Variants in C15orf61 observed in about 807,000 individuals in gnomAD.
The protein encoded by C15orf61 is chromosome 15 open reading frame 61, also known as uncharacterized protein C15orf61.
C15orf61 carries 12 observed loss-of-function variants against 13.7 expected under a neutral mutation model. The ratio of observed to expected loss-of-function variants is 0.88; its 90% CI spans 0.56 to 1.42. The LOEUF (loss-of-function observed/expected upper bound fraction) is 1.42, where lower values mean the gene tolerates loss of function less well. C15orf61 is among the 40% of genes most tolerant of loss of function. The pLI is 0.00. For synonymous variants in C15orf61, 92 were observed against 94.1 expected (o/e 0.98, Z 0.13); for missense variants, 248 against 213.2 (o/e 1.16, Z -1.02).
At chr15:67,526,062 G>A (rs1020406051) in intron 1 of C15orf61, among the ~76,000 whole-genome samples, 4 of 152,082 alleles carry the variant, frequency 2.6e-5, no homozygotes, top group Non-Finnish European at 4.4e-5. Context: ...TTAGCTCAAG[G>A]CTAATAATCA....
In C15orf61 at chr15:67,521,329, C is replaced by G. The variant is rs2084158699; in HGVS notation, c.81C>G (p.Arg27=). ...CGTGGGCCTCGCGCGCCGCCGCCCG[C>G]CCCAAGCCCAGCGCCTCGGAGGTGC... ...CRPWASRAAA[R]PKPSASEVLT... Residue 27 remains arginine, a synonymous_variant, in exon 1 of 2, where the codon CGC becomes CGG. Transcript: ENST00000342683. The G allele has an allele frequency of 1.3e-6, 2 of 1,533,028 alleles. No individual in the cohort carries two copies. Among genetic ancestry groups the G allele is most frequent in the African/African-American group, 2.8e-5 (2 of 72,710 alleles). 95.0% of individuals were successfully genotyped at this position (1,533,028 alleles called of 1,614,324 possible).
Position 67,528,817 on chromosome 15 carries a change from C to T in C15orf61, c.*2272C>T, listed in dbSNP as rs887730228. ...GAACGAAACAAGAGACATTTCTACC[C>T]GAAAATGTACATCAATTTTACTTTT... On this transcript the variant is annotated 3_prime_UTR_variant, in exon 2 of 2. Coordinates refer to ENST00000342683, the MANE Select transcript of C15orf61 (RefSeq NM_001143936.2). The T allele has an allele frequency of 1.3e-5, 2 of 152,132 alleles. No homozygotes were observed. Among genetic ancestry groups the T allele is most frequent in the African/African-American group, 2.4e-5 (1 of 41,420 alleles). The allele number at this position is 152,132 out of a possible 1,614,324, so 9.4% of individuals were successfully genotyped here.
intron 1 of C15orf61, among the ~76,000 whole-genome samples, chr15:67,523,153 A>G (rs2084178223): frequency 6.6e-6 from 1 of 152,214 alleles, no homozygotes; most frequent in Non-Finnish European, 1.5e-5. Context: ...AGCAAAAAGG[A>G]CAACTTTTTG....
chr15:67,526,273 TTAGA>T, intron 1 of C15orf61, 141 bp from the exon 2 acceptor site: 1 of 558,356 alleles, frequency 1.8e-6, no homozygotes, highest in Non-Finnish European at 3.0e-6. Context: ...AATTGAGCTC[TTAGA>T]TAATCAGAGT....
At chr15:67,523,114 G>A (rs990564204) in intron 1 of C15orf61, among the ~76,000 whole-genome samples, 11 of 152,262 alleles carry the variant, frequency 7.2e-5, no homozygotes, top group African/African-American at 1.7e-4. Context: ...TAAAAATCCT[G>A]CTAAAATGGG....
chr15:67,524,545 C>G (rs1211467951), intron 1 of C15orf61, among the ~76,000 whole-genome samples: 1 of 152,072 alleles, frequency 6.6e-6, no homozygotes, highest in Non-Finnish European at 1.5e-5. Flanking sequence ...ATGGGAGTTC[C>G]AGGGAACCCT....
At position 67,526,484 on chromosome 15, in the gene C15orf61, C is replaced by T. The variant is rs773182260; in HGVS notation, c.413C>T (p.Thr138Ile). The T allele has an allele frequency of 1.3e-5, 20 of 1,538,684 alleles. No individual in the cohort carries two copies. Among genetic ancestry groups the T allele is most frequent in the Admixed American group, 2.0e-5 (1 of 50,772 alleles). The change falls in exon 2 of 2, where the codon ACC becomes ATC. Residue 138 changes from threonine (T) to isoleucine (I), a missense_variant. Physicochemically the swap from Thr to Ile is moderately conservative, Grantham distance 89. Transcript: ENST00000342683. The stretch of plus-strand genomic sequence containing the variant: ...GCCAGAGTCACAGAGACTGTGCATA[C>T]CAGTTATGGACCCATAACAGTTTAT... ...LFARVTETVH[T>I]SYGPITVYFL... is the part of the protein sequence containing the mutation.
At chr15:67,524,765 A>G (rs1231531671) in intron 1 of C15orf61, among the ~76,000 whole-genome samples, 1 of 152,030 alleles carries the variant, frequency 6.6e-6, no homozygotes, top group Non-Finnish European at 1.5e-5. Context: ...CACAGCAAAT[A>G]TATTCTTGCA....
chr15:67,528,540 C>T lies in C15orf61; in HGVS notation c.*1995C>T, dbSNP rs138295090. On this transcript the variant is annotated 3_prime_UTR_variant, in exon 2 of 2. Coordinates refer to ENST00000342683, the MANE Select transcript of C15orf61 (RefSeq NM_001143936.2). ...AGGCGTGGTTTAAAAATTTAAATAT[C>T]ATTCATTGGATTTATTAAGTCTTGT... is the stretch of plus-strand genomic sequence containing the variant. The T allele has an allele frequency of 5.9e-5, 9 of 152,286 alleles. No homozygotes were observed. The highest frequency in any genetic ancestry group is 2.2e-4 in the African/African-American group (9 of 41,568). 9.4% of individuals were successfully genotyped at this position (152,286 alleles called of 1,614,324 possible). A position where few individuals can be genotyped will look rare whatever the true frequency, so the allele number is the denominator to read the frequency against.
At position 67,526,656 on chromosome 15, in the gene C15orf61, A is replaced by G. The variant is rs921536598; in HGVS notation, c.*111A>G. The G allele has an allele frequency of 5.5e-6, 6 of 1,097,166 alleles. No homozygotes were observed. Among genetic ancestry groups the G allele is most frequent in the Middle Eastern group, 5.9e-4 (2 of 3,402 alleles). 68.0% of individuals were successfully genotyped at this position (1,097,166 alleles called of 1,614,324 possible). On this transcript the variant is annotated 3_prime_UTR_variant, in exon 2 of 2. Transcript: ENST00000342683. ...TTTGCAAATACTTTTTTCTTTCTAC[A>G]GTATCTGCTTCTTTAAGATGAATCA... is the stretch of plus-strand genomic sequence containing the variant.
At position 67,526,804 on chromosome 15, in the gene C15orf61, G is replaced by T; in HGVS notation, c.*259G>T. On this transcript the variant is annotated 3_prime_UTR_variant, in exon 2 of 2. Transcript: ENST00000342683. ...TTCCCTAGAACTAGGTTAACCTACA[G>T]ATAAAAAATGATTACAATGTAATAG... The T allele has an allele frequency of 3.8e-6, 1 of 262,044 alleles. No homozygotes were observed. Among genetic ancestry groups the T allele is most frequent in the Non-Finnish European group, 7.1e-6 (1 of 140,618 alleles). 16.2% of individuals were successfully genotyped at this position (262,044 alleles called of 1,614,324 possible).
In C15orf61 at chr15:67,528,269, C is replaced by T. The variant is rs546790678; in HGVS notation, c.*1724C>T. 4 of 152,332 alleles carry T rather than the reference C, an allele frequency of 2.6e-5. No individual in the cohort carries two copies. The highest frequency in any genetic ancestry group is 9.6e-5 in the African/African-American group (4 of 41,582). The allele number at this position is 152,332 out of a possible 1,614,324, so 9.4% of individuals were successfully genotyped here. The stretch of plus-strand genomic sequence containing the variant: ...TTACCTGTTTTTCAATAGCTATAGT[C>T]AGTGTGACTTCTTGCCCATATGTGA... On this transcript the variant is annotated 3_prime_UTR_variant, in exon 2 of 2. Coordinates refer to ENST00000342683, the MANE Select transcript of C15orf61 (RefSeq NM_001143936.2).
rs1344439718 is a variant in C15orf61 at position 67,526,629 on chromosome 15, CTT to C, written c.*87_*88del. ...TTATTTTTGATCCTTTAAAATAAAACTTTTGCAAATACTTTTTTCTTTCTACA... is the reference window on the plus strand; with the variant it reads ...TTATTTTTGATCCTTTAAAATAAAACTTGCAAATACTTTTTTCTTTCTACA... On this transcript the variant is annotated 3_prime_UTR_variant, in exon 2 of 2. Coordinates refer to ENST00000342683, the MANE Select transcript of C15orf61 (RefSeq NM_001143936.2). 1 of 1,292,094 alleles carries C rather than the reference CTT, an allele frequency of 7.7e-7. No homozygotes were observed. Among genetic ancestry groups the C allele is most frequent in the Non-Finnish European group, 1.0e-6 (1 of 985,684 alleles). 80.0% of individuals were successfully genotyped at this position (1,292,094 alleles called of 1,614,324 possible).
At chr15:67,526,049 A>T (rs927547220) in intron 1 of C15orf61, among the ~76,000 whole-genome samples, 3 of 152,196 alleles carry the variant, frequency 2.0e-5, no homozygotes, top group African/African-American at 7.2e-5. Flanking sequence ...TAACTTAGTA[A>T]TTTTAGCTCA....
At chr15:67,522,278 CAG>C (rs750773623) in intron 1 of C15orf61, 4 of 695,180 alleles carry the variant, frequency 5.8e-6, no homozygotes, top group Non-Finnish European at 1.0e-5. Flanking sequence ...TTTTATAGGT[CAG>C]GGGAAAACAG....
At position 67,521,396 on chromosome 15, in the gene C15orf61, T is replaced by A. The variant is rs752861436; in HGVS notation, c.148T>A (p.Ser50Thr). The A allele has an allele frequency of 4.1e-5, 63 of 1,542,086 alleles. No homozygotes were observed. Among genetic ancestry groups the A allele is most frequent in the Non-Finnish European group, 5.3e-5 (61 of 1,146,534 alleles). Residue 50 changes from serine (S) to threonine (T), a missense_variant, in exon 1 of 2, where the codon TCC (serine) becomes ACC (threonine). Coordinates refer to ENST00000342683, the MANE Select transcript of C15orf61 (RefSeq NM_001143936.2). The stretch of plus-strand genomic sequence containing the variant: ...GCAGCGGCGCCTGCCGCACTGGACC[T>A]CCTTCTGCGTGCCCTACAGCGCCGT... ...LLQRRLPHWT[S>T]FCVPYSAVRN...
chr15:67,526,563 C>T lies in C15orf61; in HGVS notation c.*18C>T. The T allele has an allele frequency of 6.7e-7, 1 of 1,489,244 alleles. No individual in the cohort carries two copies. 92.3% of individuals were successfully genotyped at this position (1,489,244 alleles called of 1,614,324 possible). A position where few individuals can be genotyped will look rare whatever the true frequency, so the allele number is the denominator to read the frequency against. On this transcript the variant is annotated 3_prime_UTR_variant, in exon 2 of 2. Coordinates refer to ENST00000342683, the MANE Select transcript of C15orf61 (RefSeq NM_001143936.2). ...TGTATTGAAAGTGTGCGTCAAAGAACATAAATATCAGTGGATTTTCTCTGT... is the reference window on the plus strand; with the variant it reads ...TGTATTGAAAGTGTGCGTCAAAGAATATAAATATCAGTGGATTTTCTCTGT...
Position 67,521,464 on chromosome 15 carries a change from G to A in C15orf61, c.216G>A (p.Val72=), listed in dbSNP as rs1167442166. The change falls in exon 1 of 2, where the codon GTG becomes GTA. Residue 72 remains valine, a synonymous_variant. Coordinates refer to ENST00000342683, the MANE Select transcript of C15orf61 (RefSeq NM_001143936.2). The part of the protein sequence containing the change: ...QFGLSHFNWP[V]QGANYHVLRT... ...GCCTCTCGCACTTCAACTGGCCGGT[G>A]CAGGGCGCCAACTACCACGTCCTGC... 1.3e-6 allele frequency: 2 copies of A among 1,548,146 alleles called. No homozygotes were observed. Among genetic ancestry groups the A allele is most frequent in the Non-Finnish European group, 8.7e-7 (1 of 1,146,776 alleles).
Position 67,527,671 on chromosome 15 carries a change from A to G in C15orf61, c.*1126A>G, listed in dbSNP as rs2140929065. ...AGCAAAACATTTTATAAAATTCAAC[A>G]TTTGGATGCTTATGTCAAGTCAGTA... On this transcript the variant is annotated 3_prime_UTR_variant, in exon 2 of 2. Transcript: ENST00000342683. 6.6e-6 allele frequency: 1 copy of G among 152,336 alleles called. No homozygotes were observed. Among genetic ancestry groups the G allele is most frequent in the East Asian group, 1.9e-4 (1 of 5,194 alleles). The allele number at this position is 152,336 out of a possible 1,614,324, so 9.4% of individuals were successfully genotyped here. A position where few individuals can be genotyped will look rare whatever the true frequency, so the allele number is the denominator to read the frequency against.
Sources: gnomAD v4.1 joint callset for allele counts (sites outside exome capture counted in the v4.1 genomes callset) on GRCh38, gnomAD v4.1.1 for gene constraint, MANE v1.5 for transcripts, NCBI Gene and HGNC (gene_info 2026-07-23, HGNC 2026-07-21) for gene names.